The following PDGFD variants were observed in gnomAD, a reference collection of about 807,000 sequenced individuals.
The protein encoded by PDGFD is platelet derived growth factor D.
PDGFD carries 30 observed loss-of-function variants against 44.7 expected under a neutral mutation model. The ratio of observed to expected loss-of-function variants is 0.67; its 90% CI spans 0.50 to 0.91. The LOEUF (loss-of-function observed/expected upper bound fraction) is 0.91. PDGFD is among the 40% of genes least tolerant of loss of function. The probability of loss-of-function intolerance (pLI) is 0.00; values close to 1 mark genes in which losing one functional copy is unlikely to be tolerated. For synonymous variants in PDGFD, 173 were observed against 168.4 expected, an observed-to-expected ratio of 1.03 and a Z score of -0.21; for missense variants, 445 against 457.8, an observed-to-expected ratio of 0.97 and a Z score of 0.25.
intron 3 of PDGFD, among the ~76,000 whole-genome samples, chr11:103,981,235 G>T (rs754240280): frequency 2.6e-5 from 4 of 151,506 alleles, no homozygotes; most frequent in Non-Finnish European, 5.9e-5. Flanking sequence ...CTCCCTTACC[G>T]TGTAATGCTC....
chr11:103,999,996 T>C (rs568494169), intron 2 of PDGFD, 55 bp downstream of exon 2: 6 of 1,447,564 alleles, frequency 4.1e-6, no homozygotes, highest in African/African-American at 2.8e-5. Flanking sequence ...TTTAAATTCA[T>C]CTTTTTCTTT....
At chr11:104,032,004 G>C (rs1860132987) in intron 1 of PDGFD, among the ~76,000 whole-genome samples, 1 of 152,160 alleles carries the variant, frequency 6.6e-6, no homozygotes, top group Non-Finnish European at 1.5e-5. Context: ...GAGAGGGCAA[G>C]GGCAGGGGAG....
chr11:104,158,228 T>C (rs184957715), intron 1 of PDGFD, among the ~76,000 whole-genome samples: 137 of 152,294 alleles, frequency 9.0e-4, no homozygotes, highest in African/African-American at 3.1e-3. Context: ...TGAACACACA[T>C]ATGTGAAGAA....
intron 6 of PDGFD, among the ~76,000 whole-genome samples, chr11:103,922,190 T>C (rs1858235465): frequency 6.6e-6 from 1 of 152,212 alleles, no homozygotes; most frequent in Non-Finnish European, 1.5e-5. Context: ...AATAGGTCAC[T>C]ATACTTTTAG....
chr11:104,161,636 G>A (rs1028588849), intron 1 of PDGFD, among the ~76,000 whole-genome samples: 1 of 152,116 alleles, frequency 6.6e-6, no homozygotes, highest in Admixed American at 6.5e-5. Flanking sequence ...CCACAGAAAT[G>A]TATATCTATT....
At chr11:104,061,651 C>T (rs1203490100) in intron 1 of PDGFD, among the ~76,000 whole-genome samples, 1 of 152,126 alleles carries the variant, frequency 6.6e-6, no homozygotes, top group African/African-American at 2.4e-5. Context: ...TCTCTATTAT[C>T]CAGGCTGGAG....
chr11:103,961,636 A>AT (rs148142269), intron 3 of PDGFD, among the ~76,000 whole-genome samples: 6,597 of 152,152 alleles, frequency 0.043, 471 homozygotes, highest in African/African-American at 0.15. Flanking sequence ...CACACTTGGG[A>AT]TTTTTTCTTA....
At chr11:104,020,663 T>G (rs1033138868) in intron 1 of PDGFD, among the ~76,000 whole-genome samples, 2 of 152,096 alleles carry the variant, frequency 1.3e-5, no homozygotes, top group East Asian at 3.8e-4. Context: ...AACAGACATT[T>G]TATACTTCAT....
intron 6 of PDGFD, among the ~76,000 whole-genome samples, chr11:103,911,704 C>A (rs1858031333): frequency 6.6e-6 from 1 of 151,918 alleles, no homozygotes; most frequent in Non-Finnish European, 1.5e-5. Flanking sequence ...CATGTTCTAA[C>A]CCAATGCAAG....
At chr11:104,036,028 T>C (rs951383996) in intron 1 of PDGFD, among the ~76,000 whole-genome samples, 6 of 152,180 alleles carry the variant, frequency 3.9e-5, no homozygotes, top group Non-Finnish European at 8.8e-5. Context: ...TTTCCTACTA[T>C]GCACATAGAA....
At chr11:103,972,263 C>A (rs1330502323) in intron 3 of PDGFD, among the ~76,000 whole-genome samples, 1 of 152,152 alleles carries the variant, frequency 6.6e-6, no homozygotes, top group Non-Finnish European at 1.5e-5. Flanking sequence ...CTCCGCCCAC[C>A]AGATGCCAGT....
At chr11:104,102,057 A>G (rs1188677493) in intron 1 of PDGFD, among the ~76,000 whole-genome samples, 2 of 152,212 alleles carry the variant, frequency 1.3e-5, no homozygotes, top group Non-Finnish European at 2.9e-5. Flanking sequence ...CAATGGCAAC[A>G]AAAGCCAAAA....
chr11:104,102,567 T>C (rs1175229436), intron 1 of PDGFD, among the ~76,000 whole-genome samples: 2 of 152,210 alleles, frequency 1.3e-5, no homozygotes, highest in Non-Finnish European at 2.9e-5. Flanking sequence ...ACCCAGCCAT[T>C]CCATTACTGG....
At chr11:103,923,434 A>C (rs973204776) in intron 6 of PDGFD, among the ~76,000 whole-genome samples, 1 of 152,240 alleles carries the variant, frequency 6.6e-6, no homozygotes, top group Non-Finnish European at 1.5e-5. Context: ...AAGGTTGAGC[A>C]CTGAAATATT....
intron 1 of PDGFD, among the ~76,000 whole-genome samples, chr11:104,031,526 T>A (rs149686829): frequency 0.032 from 4,944 of 152,238 alleles, 289 homozygotes; most frequent in African/African-American, 0.11. Flanking sequence ...GAAATAGGAA[T>A]GCTTTTACAC....
At chr11:103,982,449 T>C (rs947269989) in intron 3 of PDGFD, among the ~76,000 whole-genome samples, 3 of 151,560 alleles carry the variant, frequency 2.0e-5, no homozygotes, top group African/African-American at 7.3e-5. Flanking sequence ...GTGAGGCATG[T>C]ATGTGGGTTT....
At chr11:104,155,737 C>T (rs2128806) in intron 1 of PDGFD, among the ~76,000 whole-genome samples, 90,209 of 152,016 alleles carry the variant, frequency 0.59, 27,472 homozygotes, top group African/African-American at 0.74. Flanking sequence ...GCATTTTCCA[C>T]AGCTGAGTCT....
Position 104,119,399 on chromosome 11 carries a change from TATATA to T in PDGFD, c.124+44400_124+44404del, listed in dbSNP as rs369037745. On this transcript the variant is annotated intron_variant, in intron 1 of 6. Coordinates refer to ENST00000393158, the MANE Select transcript of PDGFD (RefSeq NM_025208.5). ...TGATATAATATATAATATGATATAA[TATATA>T]ATATAATATATTGATATAATATATA... 5.3e-3 allele frequency among the ~76,000 whole-genome samples: 270 copies of T among 51,170 alleles called. 104 individuals are homozygous for T. The highest frequency in any genetic ancestry group is 6.0e-3 in the Non-Finnish European group (183 of 30,272). 33.6% of individuals were successfully genotyped at this position (51,170 alleles called of 152,430 possible).
intron 1 of PDGFD, among the ~76,000 whole-genome samples, chr11:104,072,951 A>G (rs1013815709): frequency 1.3e-5 from 2 of 152,070 alleles, no homozygotes; most frequent in African/African-American, 4.8e-5. Context: ...TGAAAATCTA[A>G]AAGTATATTA....
Sources: gnomAD v4.1 joint callset for allele counts (sites outside exome capture counted in the v4.1 genomes callset) on GRCh38, gnomAD v4.1.1 for gene constraint, MANE v1.5 for transcripts, NCBI Gene and HGNC (gene_info 2026-07-23, HGNC 2026-07-21) for gene names.